Variants in CES1 observed in about 807,000 individuals in gnomAD.
CES1 encodes the protein liver carboxylesterase 1.
In CES1, 50 loss-of-function variants were observed where a neutral mutation model predicts 53.0. The observed-to-expected ratio is 0.94, with a 90% CI of 0.75 to 1.19. The LOEUF (loss-of-function observed/expected upper bound fraction) is 1.19. CES1 is among the 50% of genes most tolerant of loss of function. The pLI is 0.00. For missense variants in CES1, 534 were observed against 538.0 expected, an observed-to-expected ratio of 0.99 and a Z score of 0.07; for synonymous variants, 202 against 210.1, an observed-to-expected ratio of 0.96 and a Z score of 0.33.
intron 2 of CES1, among the ~76,000 whole-genome samples, 187 bp from the exon 3 acceptor site, chr16:55,826,482 C>A (rs192839355): frequency 6.6e-6 from 1 of 152,144 alleles, no homozygotes; most frequent in Non-Finnish European, 1.5e-5. Context: ...ACTAAGGTCT[C>A]CTAAGACCAA....
intron 8 of CES1, among the ~76,000 whole-genome samples, chr16:55,814,760 T>C (rs2031858366): frequency 1.3e-5 from 2 of 152,202 alleles, no homozygotes; most frequent in African/African-American, 2.4e-5. Context: ...TCTGGGACCT[T>C]TGGTCTGCTC....
rs575242658 is a variant in CES1, at chr16:55,828,167, G to A, written c.260+600C>T. 2.3e-4 allele frequency: 41 copies of A among 181,118 alleles called. 1 individual carries two copies. In the South Asian group the frequency reaches 4.8e-3, roughly 21 times the overall value. The allele number at this position is 181,118 out of a possible 1,614,324, so 11.2% of individuals were successfully genotyped here. ...GGTCCTTCCTACCCTGGGGAGTGATGGTGAGGCCAATTAGAACCTTTGGGC... is the reference window on the plus strand; with the variant it reads ...GGTCCTTCCTACCCTGGGGAGTGATAGTGAGGCCAATTAGAACCTTTGGGC... On this transcript the variant is annotated intron_variant, in intron 2 of 13. Coordinates refer to ENST00000360526, the MANE Select transcript of CES1 (RefSeq NM_001025195.2).
At position 55,822,731 on chromosome 16, in the gene CES1, G is replaced by A. The variant is rs1426290817; in HGVS notation, c.539+819C>T. ...GACAAGAGAGGCCTGTGGACAGGGA[G>A]GAGGGAGGACCAGGAAAGGGGCTGG... On this transcript the variant is annotated intron_variant, in intron 4 of 13. Transcript: ENST00000360526. Among the ~76,000 whole-genome samples the A allele has an allele frequency of 2.0e-5, 3 of 152,064 alleles. No individual in the cohort carries two copies. In the East Asian group the frequency reaches 5.8e-4, roughly 29 times the overall value.
At chr16:55,829,291 C>G (rs1372357271) in intron 1 of CES1, among the ~76,000 whole-genome samples, 1 of 152,246 alleles carries the variant, frequency 6.6e-6, no homozygotes, top group Non-Finnish European at 1.5e-5. Flanking sequence ...CATTAGAATC[C>G]TGGCACTGAG....
At chr16:55,814,702 G>T (rs1312012018) in intron 8 of CES1, among the ~76,000 whole-genome samples, 3 of 152,200 alleles carry the variant, frequency 2.0e-5, no homozygotes, top group Admixed American at 6.5e-5. Flanking sequence ...TTCCCTTCTG[G>T]ATATCAGATG....
At position 55,821,470 on chromosome 16, in the gene CES1, A is replaced by C. The variant is rs2142337323; in HGVS notation, c.591T>G (p.Ala197=). 6.2e-7 allele frequency: 1 copy of C among 1,614,190 alleles called. No individual in the cohort carries two copies. Among genetic ancestry groups the C allele is most frequent in the South Asian group, 1.1e-5 (1 of 91,086 alleles). The change falls in exon 5 of 14, where the codon GCT becomes GCG. Residue 197 remains alanine, a synonymous_variant. Transcript: ENST00000360526. ...TGTTGTCCTGGACCCAGCGCAGGGC[A>C]GCCACCTGGTCCAGGTGACCCCAGT... The part of the protein sequence containing the change: ...RGNWGHLDQV[A]ALRWVQDNIA...
Position 55,830,259 on chromosome 16 carries a change from C to G in CES1, c.53-1285G>C, listed in dbSNP as rs1250840100. On this transcript the variant is annotated intron_variant, in intron 1 of 13. Transcript: ENST00000360526. ...CCAACCCTGCAATGTCAATATTTAG[C>G]TTCTTTTCTTTTGTTGTTGTTGCTA... Among the ~76,000 whole-genome samples, 6 of 152,186 alleles carry G rather than the reference C, an allele frequency of 3.9e-5. No individual in the cohort carries two copies. The East Asian group carries it at 1.2e-3, about 29-fold the overall frequency.
chr16:55,808,995 T>C (rs1265253709), intron 11 of CES1, among the ~76,000 whole-genome samples: 1 of 148,142 alleles, frequency 6.8e-6, no homozygotes, highest in African/African-American at 2.5e-5. Flanking sequence ...TGAAAGTTTC[T>C]ATAATTTAAC....
intron 6 of CES1, chr16:55,820,028 C>T (rs1388463414): frequency 3.6e-6 from 2 of 553,260 alleles, no homozygotes; most frequent in African/African-American, 3.8e-5. Flanking sequence ...CACAAGACAC[C>T]ATCACTGCCC....
chr16:55,819,967 T>C, intron 6 of CES1: 1 of 546,512 alleles, frequency 1.8e-6, no homozygotes, highest in Non-Finnish European at 3.3e-6. Flanking sequence ...CCTTGTCTGC[T>C]TTCAAATCCT....
At position 55,821,444 on chromosome 16, in the gene CES1, ATGT is replaced by A; in HGVS notation, c.614_616del (p.Asn205del). Reference sequence around the variant, plus strand: ...GCCTGGGTTCCCTCCAAAGCTGGCAATGTTGTCCTGGACCCAGCGCAGGGCAGC... The same window carrying A: ...GCCTGGGTTCCCTCCAAAGCTGGCAATGTCCTGGACCCAGCGCAGGGCAGC... On this transcript the variant is annotated inframe_deletion, in exon 5 of 14. Coordinates refer to ENST00000360526, the MANE Select transcript of CES1 (RefSeq NM_001025195.2). 1 of 1,614,168 alleles carries A rather than the reference ATGT, an allele frequency of 6.2e-7. No individual in the cohort carries two copies. Among genetic ancestry groups the A allele is most frequent in the East Asian group, 2.2e-5 (1 of 44,878 alleles).
chr16:55,817,074 GTATATC>G, intron 7 of CES1, 112 bp from the exon 8 acceptor site: 1 of 1,165,302 alleles, frequency 8.6e-7, no homozygotes, highest in Non-Finnish European at 1.3e-6. Context: ...CCGTGAATTC[GTATATC>G]TATATGTGAC....
Position 55,810,538 on chromosome 16 carries a change from T to A in CES1, c.1297A>T (p.Ile433Phe). The change falls in exon 11 of 14, where the codon ATT becomes TTT. Residue 433 changes from isoleucine to phenylalanine, a missense_variant. By Grantham distance (21) the Ile-to-Phe change is conservative (BLOSUM62 0). Around this residue, in one of 5 missense-constraint regions of CES1, gnomAD observed 269 missense variants for 206.6 expected, o/e 1.30. Coordinates refer to ENST00000360526, the MANE Select transcript of CES1 (RefSeq NM_001025195.2). ...ADVMFGVPSV[I>F]VARNHRDAGA... ...TCACCTCTGTGGTTCCGGGCCACAA[T>A]CACAGATGGGACACCAAACATCACA... is the stretch of plus-strand genomic sequence containing the variant. The A allele has an allele frequency of 1.2e-6, 2 of 1,614,166 alleles. No homozygotes were observed. The highest frequency in any genetic ancestry group is 1.7e-6 in the Non-Finnish European group (2 of 1,180,028).
chr16:55,816,764 C>T (rs527267474), intron 8 of CES1, among the ~76,000 whole-genome samples, 160 bp downstream of exon 8: 7 of 152,228 alleles, frequency 4.6e-5, no homozygotes, highest in African/African-American at 1.4e-4. Context: ...GTCTTCCTGG[C>T]TGTGTTACCC....
At chr16:55,813,120 T>G in intron 8 of CES1, 77 bp from the exon 9 acceptor site, 1 of 1,594,178 alleles carries the variant, frequency 6.3e-7, no homozygotes, top group East Asian at 2.2e-5. Context: ...TGTCTGAGGG[T>G]GAGACCAGTA....
chr16:55,816,113 T>A (rs1442564678), intron 8 of CES1, among the ~76,000 whole-genome samples: 3 of 152,254 alleles, frequency 2.0e-5, no homozygotes, highest in Admixed American at 6.5e-5. Context: ...CATTCCCTGA[T>A]CCTGCTACTT....
Position 55,825,887 on chromosome 16 carries a change from C to A in CES1, c.405+264G>T, listed in dbSNP as rs116714362. Among the ~76,000 whole-genome samples the A allele has an allele frequency of 4.2e-3, 642 of 152,342 alleles. 6 individuals carry two copies. The highest frequency in any genetic ancestry group is 0.015 in the African/African-American group (603 of 41,558). On this transcript the variant is annotated intron_variant, in intron 3 of 13. Transcript: ENST00000360526. ...AATCTAGTAACTAAAAGTAATCATTCTCATCCTTCTATTAGCATGAGGGAA... is the reference window on the plus strand; with the variant it reads ...AATCTAGTAACTAAAAGTAATCATTATCATCCTTCTATTAGCATGAGGGAA...
intron 9 of CES1, among the ~76,000 whole-genome samples, chr16:55,811,790 A>C (rs2031709320): frequency 6.6e-6 from 1 of 152,114 alleles, no homozygotes; most frequent in African/African-American, 2.4e-5. Flanking sequence ...ACCCAACCCC[A>C]TTTCCTTGAG....
chr16:55,811,607 C>T (rs1273782118), intron 9 of CES1, among the ~76,000 whole-genome samples: 2 of 152,252 alleles, frequency 1.3e-5, no homozygotes, highest in African/African-American at 2.4e-5. Flanking sequence ...CTAGAATGAC[C>T]CCAGTATCCT....
Sources: allele counts gnomAD v4.1 joint callset (sites outside exome capture counted in the v4.1 genomes callset), GRCh38; gene constraint gnomAD v4.1.1; regional missense constraint gnomAD v4.1.1; transcripts MANE v1.5; gene names NCBI Gene and HGNC (gene_info 2026-07-23, HGNC 2026-07-21).